Variants in PAPPA2 observed in about 807,000 individuals in gnomAD.
The protein encoded by PAPPA2 is pappalysin-2.
PAPPA2 carries 86 observed loss-of-function variants against 176.4 expected under a neutral mutation model. That is an observed-to-expected ratio of 0.49 (90% CI 0.41 to 0.58). The LOEUF is 0.58. Ranked by LOEUF, PAPPA2 falls within the 20% of genes least tolerant of loss-of-function variation. The pLI, the probability that PAPPA2 is intolerant of heterozygous loss-of-function variation, is 0.00. For synonymous variants in PAPPA2, 809 were observed against 852.2 expected, an observed-to-expected ratio of 0.95 and a Z score of 0.88; for missense variants, 2,073 against 2,256.9, an observed-to-expected ratio of 0.92 and a Z score of 1.65.
At chr1:176,689,069 C>G (rs1659977290) in intron 4 of PAPPA2, among the ~76,000 whole-genome samples, 3 of 152,186 alleles carry the variant, frequency 2.0e-5, no homozygotes, top group Admixed American at 2.0e-4. Flanking sequence ...CTGGGCAGCA[C>G]AGCCAGGGGT....
chr1:176,689,978 T>C (rs541014695), intron 4 of PAPPA2, among the ~76,000 whole-genome samples, 159 bp from the exon 5 acceptor site: 28 of 152,246 alleles, frequency 1.8e-4, no homozygotes, highest in Non-Finnish European at 3.5e-4. Flanking sequence ...AGGGTTTCTG[T>C]GGCAAGAAAG....
chr1:176,594,370 G>A (rs1383413127), intron 2 of PAPPA2, among the ~76,000 whole-genome samples, 154 bp from the exon 3 acceptor site: 1 of 152,206 alleles, frequency 6.6e-6, no homozygotes, highest in East Asian at 1.9e-4. Context: ...ATAGGGATAT[G>A]AGCAGGCATC....
chr1:176,841,809 A>C (rs79270867), intron 22 of PAPPA2, among the ~76,000 whole-genome samples: 4 of 152,182 alleles, frequency 2.6e-5, no homozygotes, highest in African/African-American at 7.2e-5. Context: ...CTCATGCTTT[A>C]TGAGGATGGC....
At chr1:176,725,223 T>G (rs1661810883) in intron 12 of PAPPA2, among the ~76,000 whole-genome samples, 1 of 152,236 alleles carries the variant, frequency 6.6e-6, no homozygotes, top group Admixed American at 6.5e-5. Flanking sequence ...GTTTAAAGTT[T>G]TTTTAACCAT....
At position 176,623,610 on chromosome 1, in the gene PAPPA2, C is replaced by A. The variant is rs917231430; in HGVS notation, c.1991+28015C>A. Among the ~76,000 whole-genome samples, 928 of 94,700 alleles carry A rather than the reference C, an allele frequency of 9.8e-3. 6 individuals are homozygous for A. Among genetic ancestry groups the A allele is most frequent in the African/African-American group, 0.028 (581 of 21,072 alleles). The allele number at this position is 94,700 out of a possible 152,430, so 62.1% of individuals were successfully genotyped here. A position where few individuals can be genotyped will look rare whatever the true frequency, so the allele number is the denominator to read the frequency against. ...TCCTTCCTTCCTTCCTTCCTTCCTT[C>A]CTTCCTTCCTTCCTTTTTTACTTTC... is the stretch of plus-strand genomic sequence containing the variant. On this transcript the variant is annotated intron_variant, in intron 3 of 22. Coordinates refer to ENST00000367662, the MANE Select transcript of PAPPA2 (RefSeq NM_020318.3).
At chr1:176,500,686 G>A (rs181118198) in intron 1 of PAPPA2, among the ~76,000 whole-genome samples, 1 of 152,018 alleles carries the variant, frequency 6.6e-6, no homozygotes, top group Non-Finnish European at 1.5e-5. Flanking sequence ...TAAGATTAGA[G>A]GTACATTCTG....
chr1:176,694,477 A>T (rs1660267333), intron 6 of PAPPA2, among the ~76,000 whole-genome samples: 1 of 152,264 alleles, frequency 6.6e-6, no homozygotes, highest in Non-Finnish European at 1.5e-5. Flanking sequence ...AATGCCAGTT[A>T]TGTGAGGTAC....
intron 3 of PAPPA2, among the ~76,000 whole-genome samples, chr1:176,613,596 C>T (rs1352817471): frequency 6.6e-6 from 1 of 152,196 alleles, no homozygotes; most frequent in African/African-American, 2.4e-5. Context: ...TCAAAACTAT[C>T]TTTTGAGGCT....
intron 17 of PAPPA2, among the ~76,000 whole-genome samples, chr1:176,782,674 T>C (rs1036228296): frequency 6.6e-5 from 10 of 152,122 alleles, no homozygotes; most frequent in African/African-American, 2.4e-4. Context: ...TTGAATAAAG[T>C]TGGAGAAAAT....
chr1:176,497,878 C>T (rs1459688755), intron 1 of PAPPA2, among the ~76,000 whole-genome samples: 1 of 152,106 alleles, frequency 6.6e-6, no homozygotes, highest in African/African-American at 2.4e-5. Flanking sequence ...CAATTATTTA[C>T]ATTTCTGAGC....
chr1:176,572,529 T>C (rs1652412654), intron 2 of PAPPA2, among the ~76,000 whole-genome samples: 1 of 152,182 alleles, frequency 6.6e-6, no homozygotes, highest in African/African-American at 2.4e-5. Flanking sequence ...GTATTTGGTT[T>C]TGTGTGGTCC....
intron 1 of PAPPA2, among the ~76,000 whole-genome samples, chr1:176,475,651 T>A (rs571037151): frequency 6.6e-6 from 1 of 152,346 alleles, no homozygotes; most frequent in African/African-American, 2.4e-5. Context: ...GTTAAATAAT[T>A]GAAAAATGTC....
At chr1:176,584,090 T>C (rs1453794178) in intron 2 of PAPPA2, among the ~76,000 whole-genome samples, 1 of 152,200 alleles carries the variant, frequency 6.6e-6, no homozygotes, top group Non-Finnish European at 1.5e-5. Context: ...GTTTTGCCAA[T>C]ACTGGAGAAT....
chr1:176,470,095 A>T lies in PAPPA2; in HGVS notation c.-917+6677A>T, dbSNP rs535631973. Among the ~76,000 whole-genome samples the T allele has an allele frequency of 8.5e-5, 13 of 152,302 alleles. 1 individual carries two copies. Among genetic ancestry groups the T allele is most frequent in the African/African-American group, 3.1e-4 (13 of 41,564 alleles). On this transcript the variant is annotated intron_variant, in intron 1 of 22. Coordinates refer to ENST00000367662, the MANE Select transcript of PAPPA2 (RefSeq NM_020318.3). ...AACAAAATGTTCAGTTAAGTCTCCA[A>T]ATGCAAATAATAACAGAAATTCACA...
chr1:176,794,243 GA>G (rs1344216058), intron 20 of PAPPA2, among the ~76,000 whole-genome samples: 1 of 152,158 alleles, frequency 6.6e-6, no homozygotes, highest in African/African-American at 2.4e-5. Context: ...GACATAAAAG[GA>G]AGAATGAGGT....
At chr1:176,670,919 C>G (rs1394889396) in intron 3 of PAPPA2, 51 bp from the exon 4 acceptor site, 5 of 1,608,538 alleles carry the variant, frequency 3.1e-6, no homozygotes, top group Non-Finnish European at 4.2e-6. Context: ...CTGCTATTCT[C>G]TAAGTACCAA....
intron 3 of PAPPA2, among the ~76,000 whole-genome samples, chr1:176,598,378 C>T (rs1654100859): frequency 6.6e-6 from 1 of 152,090 alleles, no homozygotes; most frequent in East Asian, 1.9e-4. Context: ...ACAAGACTAA[C>T]TCTCTTACAT....
At chr1:176,792,684 A>G (rs952732165) in intron 19 of PAPPA2, among the ~76,000 whole-genome samples, 1 of 152,220 alleles carries the variant, frequency 6.6e-6, no homozygotes, top group African/African-American at 2.4e-5. Flanking sequence ...CACAATGTGC[A>G]CATGTACCCT....
At position 176,842,446 on chromosome 1, in the gene PAPPA2, A is replaced by AATCAGTAACTGT. The variant is rs749574606; in HGVS notation, c.5369_*4dup. The stretch of plus-strand genomic sequence containing the variant: ...CTGCCGGGACCCCAAGGCAGAAGAA[A>AATCAGTAACTGT]ATCAGTAACTGTGGGAACAAGCCCC... On this transcript the variant is annotated stop_gained and inframe_insertion, in exon 23 of 23. Coordinates refer to ENST00000367662, the MANE Select transcript of PAPPA2 (RefSeq NM_020318.3). LOFTEE classifies it high-confidence loss of function. 9 of 1,613,018 alleles carry AATCAGTAACTGT rather than the reference A, an allele frequency of 5.6e-6. No individual in the cohort carries two copies. In the Admixed American group the frequency reaches 1.5e-4, roughly 27 times the overall value.
Sources: gnomAD v4.1 joint callset for allele counts (sites outside exome capture counted in the v4.1 genomes callset) on GRCh38, gnomAD v4.1.1 for gene constraint, MANE v1.5 for transcripts, NCBI Gene and HGNC (gene_info 2026-07-23, HGNC 2026-07-21) for gene names.